Variants in ANKRD24 observed in about 807,000 individuals in gnomAD.
The protein encoded by ANKRD24 is ankyrin repeat domain-containing protein 24.
Under a neutral mutation model 127.8 loss-of-function variants are expected in ANKRD24, and 109 were observed. The ratio of observed to expected loss-of-function variants is 0.85; its 90% CI spans 0.73 to 1.00. ANKRD24 has a LOEUF of 1.00. Ranked by LOEUF, ANKRD24 falls within the 50% of genes least tolerant of loss-of-function variation. The pLI, the probability that ANKRD24 is intolerant of heterozygous loss-of-function variation, is 0.00. For synonymous variants in ANKRD24, 743 were observed against 671.1 expected (o/e 1.11, Z -1.66); for missense variants, 1,648 against 1,570.2 (o/e 1.05, Z -0.84).
intron 15 of ANKRD24, among the ~76,000 whole-genome samples, chr19:4,215,773 T>TG (rs1268237036): frequency 1.8e-4 from 1 of 5,464 alleles, no homozygotes; most frequent in African/African-American, 1.1e-3. Flanking sequence ...AGACCCTGGC[T>TG]CCAAAAAAAA....
chr19:4,206,640 AG>A (rs1423155924), intron 7 of ANKRD24, among the ~76,000 whole-genome samples: 1 of 152,000 alleles, frequency 6.6e-6, no homozygotes, highest in Non-Finnish European at 1.5e-5. Flanking sequence ...CAAAAAGTAT[AG>A]GGAACCACAG....
At position 4,198,012 on chromosome 19, in the gene ANKRD24, T is replaced by C. The variant is rs570121066; in HGVS notation, c.37-1671T>C. On this transcript the variant is annotated intron_variant, in intron 2 of 21. Coordinates refer to ENST00000318934, the MANE Select transcript of ANKRD24 (RefSeq NM_001393985.1). The surrounding 1 kb of genome is among the most constrained non-coding windows in gnomAD (Gnocchi z 6.1). ...GAATGAATGAGTGAATGAATGAAAGTGTGAGTGGCGAGAGCCCTGCCGGCC... is the reference window on the plus strand; with the variant it reads ...GAATGAATGAGTGAATGAATGAAAGCGTGAGTGGCGAGAGCCCTGCCGGCC... 7.4e-6 allele frequency: 3 copies of C among 407,144 alleles called. No homozygotes were observed. Among genetic ancestry groups the C allele is most frequent in the Non-Finnish European group, 1.3e-5 (3 of 230,286 alleles). The allele number at this position is 407,144 out of a possible 1,614,324, so 25.2% of individuals were successfully genotyped here.
Position 4,193,803 on chromosome 19 carries a change from C to T in ANKRD24, c.37-5880C>T, listed in dbSNP as rs181363872. ...AGTGAGCAGAGATCATGCCACTGTA[C>T]TCCAGCCTGGGCGACAGAGCGAGAC... On this transcript the variant is annotated intron_variant, in intron 2 of 21. Transcript: ENST00000318934. Among the ~76,000 whole-genome samples the T allele has an allele frequency of 4.3e-3, 390 of 89,778 alleles. 4 individuals are homozygous for T. The highest frequency in any genetic ancestry group is 0.018 in the African/African-American group (370 of 20,886). The allele number at this position is 89,778 out of a possible 152,430, so 58.9% of individuals were successfully genotyped here.
At chr19:4,208,616 C>CT in intron 10 of ANKRD24, 148 bp from the exon 11 acceptor site, 2 of 693,162 alleles carry the variant, frequency 2.9e-6, no homozygotes, top group Non-Finnish European at 4.9e-6. Context: ...AAGTCCCTCT[C>CT]TCAGCACTCT....
chr19:4,194,687 C>T (rs1033599663), intron 2 of ANKRD24, among the ~76,000 whole-genome samples: 1 of 152,044 alleles, frequency 6.6e-6, no homozygotes, highest in Non-Finnish European at 1.5e-5. Flanking sequence ...CCTCTGGCTG[C>T]TGGGGGAGAA....
rs570604793 is a variant in ANKRD24 at position 4,198,173 on chromosome 19, G to A, written c.37-1510G>A. 6 of 565,602 alleles carry A rather than the reference G, an allele frequency of 1.1e-5. No individual in the cohort carries two copies. The highest frequency in any genetic ancestry group is 4.1e-5 in the South Asian group (2 of 48,436). 35.0% of individuals were successfully genotyped at this position (565,602 alleles called of 1,614,324 possible). On this transcript the variant is annotated intron_variant, in intron 2 of 21. Transcript: ENST00000318934. The surrounding 1 kb of genome is among the most constrained non-coding windows in gnomAD (Gnocchi z 6.1). ...GGCGGCCTGCGCTGGTGAGGGAGCCGGGCCCCCGGCGCCGCGTCCTCCTCA... is the reference window on the plus strand; with the variant it reads ...GGCGGCCTGCGCTGGTGAGGGAGCCAGGCCCCCGGCGCCGCGTCCTCCTCA...
At chr19:4,206,385 G>A (rs895569500) in intron 7 of ANKRD24, among the ~76,000 whole-genome samples, 45 of 151,516 alleles carry the variant, frequency 3.0e-4, no homozygotes, top group South Asian at 1.7e-3. Flanking sequence ...CTACAGTCCC[G>A]GCGGCAGATT....
chr19:4,223,786 G>T (rs1386738030), intron 20 of ANKRD24, among the ~76,000 whole-genome samples: 1 of 151,858 alleles, frequency 6.6e-6, no homozygotes, highest in Non-Finnish European at 1.5e-5. Flanking sequence ...GGGTGGTCTT[G>T]ATCTCTTGAC....
Position 4,202,063 on chromosome 19 carries a change from C to T in ANKRD24, c.381C>T (p.His127=), listed in dbSNP as rs748983083. The T allele has an allele frequency of 3.7e-6, 6 of 1,613,840 alleles. No homozygotes were observed. Among genetic ancestry groups the T allele is most frequent in the Non-Finnish European group, 5.1e-6 (6 of 1,179,848 alleles). Residue 127 remains histidine, a synonymous_variant, in exon 6 of 22, where the codon CAC becomes CAT. Coordinates refer to ENST00000318934, the MANE Select transcript of ANKRD24 (RefSeq NM_001393985.1). ...TCCACCTGGCCGCCAAATACGGGCA[C>T]CCACAGTGCTTGAAGCAACTACTGC... ...NALHLAAKYG[H]PQCLKQLLQA...
intron 11 of ANKRD24, among the ~76,000 whole-genome samples, chr19:4,209,430 G>T (rs59867444): frequency 0.13 from 19,298 of 143,556 alleles, 1,470 homozygotes; most frequent in Non-Finnish European, 0.17. Flanking sequence ...TTTTTTTTTT[G>T]TTGTTGTTGT....
chr19:4,200,158 CGCGG>C lies in ANKRD24; in HGVS notation c.331_334del (p.Ala111ThrfsTer20), dbSNP rs761535400. The C allele has an allele frequency of 6.2e-6, 10 of 1,605,388 alleles. No homozygotes were observed. In the South Asian group the frequency reaches 1.1e-4, roughly 18 times the overall value. ...TAGCTCATGGCAGCAATGTCATGAGCGCGGACGGGGCAGGTACTGCCAGCTGGGC... is the reference window on the plus strand; with the variant it reads ...TAGCTCATGGCAGCAATGTCATGAGCACGGGGCAGGTACTGCCAGCTGGGC... On this transcript the variant is annotated frameshift_variant, in exon 5 of 22. Transcript: ENST00000318934. LOFTEE classifies it high-confidence loss of function.
rs370222290 is a variant in ANKRD24, at chr19:4,201,312, G to A, written c.344-714G>A. On this transcript the variant is annotated intron_variant, in intron 5 of 21. Coordinates refer to ENST00000318934, the MANE Select transcript of ANKRD24 (RefSeq NM_001393985.1). ...TGGGCAGGGAATATGGAATAGCTGG[G>A]GATTCATGGAGCATCAGACAGGGAC... Among the ~76,000 whole-genome samples the A allele has an allele frequency of 7.9e-5, 12 of 152,218 alleles. No homozygotes were observed. The East Asian group carries it at 1.9e-3, about 24-fold the overall frequency.
At chr19:4,189,220 AT>A (rs138450887) in intron 2 of ANKRD24, among the ~76,000 whole-genome samples, 5 of 89,480 alleles carry the variant, frequency 5.6e-5, no homozygotes, top group East Asian at 2.8e-4. Flanking sequence ...GATTCACTTT[AT>A]TTTTTTTAAT....
chr19:4,219,435 C>T (rs1235919574), intron 18 of ANKRD24, among the ~76,000 whole-genome samples, 156 bp from the exon 19 acceptor site: 1 of 152,088 alleles, frequency 6.6e-6, no homozygotes, highest in East Asian at 1.9e-4. Flanking sequence ...CCACCGCACT[C>T]CAGCCAGGAG....
intron 7 of ANKRD24, among the ~76,000 whole-genome samples, chr19:4,204,133 T>G (rs1375102163): frequency 6.6e-6 from 1 of 151,600 alleles, no homozygotes; most frequent in Non-Finnish European, 1.5e-5. Flanking sequence ...CCGGCTAATT[T>G]TTTTGTATTT....
rs1416041798 is a variant in ANKRD24 at position 4,199,470 on chromosome 19, C to T, written c.37-213C>T. 2.0e-6 allele frequency: 2 copies of T among 983,544 alleles called. No individual in the cohort carries two copies. Among genetic ancestry groups the T allele is most frequent in the East Asian group, 1.1e-4 (1 of 8,812 alleles). 60.9% of individuals were successfully genotyped at this position (983,544 alleles called of 1,614,324 possible). A position where few individuals can be genotyped will look rare whatever the true frequency, so the allele number is the denominator to read the frequency against. On this transcript the variant is annotated intron_variant, in intron 2 of 21. Transcript: ENST00000318934. The surrounding 1 kb of genome is among the most constrained non-coding windows in gnomAD (Gnocchi z 5.2). ...CAAGCGATCCTCCCACCTTGGCCTC[C>T]CCAGATGCTGGGACTACAGGCGTGA... is the stretch of plus-strand genomic sequence containing the variant.
At chr19:4,190,418 C>T (rs1411957240) in intron 2 of ANKRD24, among the ~76,000 whole-genome samples, 4 of 147,674 alleles carry the variant, frequency 2.7e-5, no homozygotes, top group Non-Finnish European at 6.0e-5. Flanking sequence ...AGCGAGACTC[C>T]GTCTCGAAAA....
intron 20 of ANKRD24, 76 bp downstream of exon 20, chr19:4,222,871 C>T: frequency 7.0e-7 from 1 of 1,434,918 alleles, no homozygotes; most frequent in Non-Finnish European, 9.2e-7. Context: ...CAGCACAGCG[C>T]AGGTGGGAAT....
At chr19:4,202,217 A>T in intron 6 of ANKRD24, 127 bp downstream of exon 6, 1 of 840,210 alleles carries the variant, frequency 1.2e-6, no homozygotes, top group Non-Finnish European at 1.9e-6. Context: ...CCAGAACCCT[A>T]GCTACTCCCT....
Sources: gnomAD v4.1 joint callset for allele counts (sites outside exome capture counted in the v4.1 genomes callset) on GRCh38, gnomAD v4.1.1 for gene constraint, Gnocchi (gnomAD v3.1) non-coding constraint, MANE v1.5 for transcripts, NCBI Gene and HGNC (gene_info 2026-07-23, HGNC 2026-07-21) for gene names.